MTA2: variants seen among roughly 807,000 people sequenced by gnomAD.
MTA2 encodes the protein metastasis-associated protein MTA2.
In MTA2, 22 loss-of-function variants were observed where a neutral mutation model predicts 87.1. The observed-to-expected ratio is 0.25, with a 90% CI of 0.18 to 0.36. The LOEUF (loss-of-function observed/expected upper bound fraction) is 0.36, where lower values mean the gene tolerates loss of function less well. Among genes scored for constraint, MTA2 ranks in the 10% least tolerant of loss-of-function variants. MTA2 has a pLI of 1.00. For missense variants in MTA2, 542 were observed against 853.2 expected, an observed-to-expected ratio of 0.64 and a Z score of 4.54; for synonymous variants, 314 against 310.1, an observed-to-expected ratio of 1.01 and a Z score of -0.13.
Position 62,593,587 on chromosome 11 carries a change from T to A in MTA2, c.*288A>T. ...AAATTTTTAAAAAATTAAAAAACCCTCCCCCCAAAACTGTCCAAGACATCT... is the reference window on the plus strand; with the variant it reads ...AAATTTTTAAAAAATTAAAAAACCCACCCCCCAAAACTGTCCAAGACATCT... On this transcript the variant is annotated 3_prime_UTR_variant, in exon 18 of 18. Coordinates refer to ENST00000278823, the MANE Select transcript of MTA2 (RefSeq NM_004739.4). 7.9e-6 allele frequency: 2 copies of A among 252,570 alleles called. No individual in the cohort carries two copies. The highest frequency in any genetic ancestry group is 1.5e-5 in the Non-Finnish European group (2 of 135,750). The allele number at this position is 252,570 out of a possible 1,614,324, so 15.6% of individuals were successfully genotyped here. A position where few individuals can be genotyped will look rare whatever the true frequency, so the allele number is the denominator to read the frequency against.
Position 62,594,426 on chromosome 11 carries a change from G to T in MTA2, c.1693-19C>A. On this transcript the variant is annotated intron_variant, in intron 16 of 17. Transcript: ENST00000278823. ...CTGCCATCTGGAAAAGGGGTAGGAT[G>T]GCACAATGAGGGAAGGGACCCTCTC... 1 of 1,614,030 alleles carries T rather than the reference G, an allele frequency of 6.2e-7. No individual in the cohort carries two copies. Among genetic ancestry groups the T allele is most frequent in the Non-Finnish European group, 8.5e-7 (1 of 1,179,950 alleles).
In MTA2 at chr11:62,595,250, C is replaced by T. The variant is rs1942081716; in HGVS notation, c.1483+14G>A. The T allele has an allele frequency of 6.2e-7, 1 of 1,612,532 alleles. No homozygotes were observed. Among genetic ancestry groups the T allele is most frequent in the African/African-American group, 1.3e-5 (1 of 74,914 alleles). On this transcript the variant is annotated intron_variant, in intron 14 of 17. Transcript: ENST00000278823. This position sits in a 1 kb window ranked among gnomAD's most constrained non-coding sequence, Gnocchi z 4.9. The stretch of plus-strand genomic sequence containing the variant: ...CCGAAACCCACCACCAGTCCCACCA[C>T]TCCCTGCCCTTACACTCTGCTTTGA...
At chr11:62,594,726 T>C in intron 15 of MTA2, 92 bp from the exon 16 acceptor site, 1 of 1,219,322 alleles carries the variant, frequency 8.2e-7, no homozygotes, top group Non-Finnish European at 1.2e-6. Flanking sequence ...GCAGTTTACC[T>C]GGGCATCCCC....
chr11:62,594,726 T>G (rs758584185), intron 15 of MTA2, 92 bp from the exon 16 acceptor site: 3 of 1,219,322 alleles, frequency 2.5e-6, no homozygotes, highest in Non-Finnish European at 3.5e-6. Context: ...GCAGTTTACC[T>G]GGGCATCCCC....
intron 3 of MTA2, among the ~76,000 whole-genome samples, chr11:62,599,596 G>GT (rs1206510671): frequency 2.1e-5 from 3 of 140,914 alleles, no homozygotes; most frequent in Admixed American, 7.6e-5. Flanking sequence ...AGGAAAATAT[G>GT]TTTTTTAAAA....
In MTA2 at chr11:62,597,611, G is replaced by T. The variant is rs779145498; in HGVS notation, c.592C>A (p.Arg198=). ...CTTCCCTATCCACCCACCCCTCACC[G>T]GGCCACCACAAGAAACTGGTCGATC... ...RQIDQFLVVA[R]AVGTFARALD... is the part of the protein sequence containing the mutation. Residue 198 remains arginine, a splice_region_variant and synonymous_variant, in exon 7 of 18, where the codon CGA becomes AGA. Coordinates refer to ENST00000278823, the MANE Select transcript of MTA2 (RefSeq NM_004739.4). 1 of 1,613,806 alleles carries T rather than the reference G, an allele frequency of 6.2e-7. No individual in the cohort carries two copies. The highest frequency in any genetic ancestry group is 1.1e-5 in the South Asian group (1 of 91,056).
intron 6 of MTA2, 152 bp from the exon 7 acceptor site, chr11:62,597,864 T>C: frequency 9.7e-7 from 1 of 1,032,586 alleles, no homozygotes; most frequent in Non-Finnish European, 1.5e-6. Context: ...TTTTCCCTTT[T>C]CAGGTTCCTA....
chr11:62,601,536 C>A lies in MTA2; in HGVS notation c.-86G>T, dbSNP rs1942201050. The A allele has an allele frequency of 3.4e-6, 5 of 1,489,682 alleles. No homozygotes were observed. The highest frequency in any genetic ancestry group is 4.5e-6 in the Non-Finnish European group (5 of 1,109,388). The allele number at this position is 1,489,682 out of a possible 1,614,324, so 92.3% of individuals were successfully genotyped here. On this transcript the variant is annotated 5_prime_UTR_variant, in exon 1 of 18. Coordinates refer to ENST00000278823, the MANE Select transcript of MTA2 (RefSeq NM_004739.4). Reference sequence around the variant, plus strand: ...GCTCGGCTCGAGGCAAAGCCCCGAACGGTGGGCTGCCGCTTCGAGGGAGTC... The same window carrying A: ...GCTCGGCTCGAGGCAAAGCCCCGAAAGGTGGGCTGCCGCTTCGAGGGAGTC...
At chr11:62,601,374 C>A in intron 1 of MTA2, 49 bp downstream of exon 1, 3 of 1,603,156 alleles carry the variant, frequency 1.9e-6, no homozygotes, top group Non-Finnish European at 2.6e-6. Flanking sequence ...CAGGTCCCTA[C>A]CCCAACCTCT....
rs767560643 is a variant in MTA2, at chr11:62,594,510, A to G, written c.1692+6T>C. On this transcript the variant is annotated splice_donor_region_variant and intron_variant, in intron 16 of 17. Coordinates refer to ENST00000278823, the MANE Select transcript of MTA2 (RefSeq NM_004739.4). The stretch of plus-strand genomic sequence containing the variant: ...CAATCTGGCCCACCCCTTTCTGTCA[A>G]CTCACAGTCTCATAGGCCCGTTTCA... 3.0e-5 allele frequency: 48 copies of G among 1,613,680 alleles called. No individual in the cohort carries two copies. Among genetic ancestry groups the G allele is most frequent in the Non-Finnish European group, 4.0e-5 (47 of 1,179,940 alleles).
intron 8 of MTA2, 137 bp downstream of exon 8, chr11:62,597,179 A>C (rs1590730945): frequency 2.7e-5 from 17 of 627,594 alleles, no homozygotes; most frequent in Admixed American, 3.4e-5. Flanking sequence ...ACAGAGCAAG[A>C]CTCCTCTCAA....
In MTA2 at chr11:62,598,568, G is replaced by C. The variant is rs778659112; in HGVS notation, c.262C>G (p.Leu88Val). Residue 88 changes from leucine to valine, a missense_variant, in exon 4 of 18, where the codon CTT (leucine) becomes GTT (valine). Coordinates refer to ENST00000278823, the MANE Select transcript of MTA2 (RefSeq NM_004739.4). ...QQRHQLKHRELFLSRQFESLP... is the reference protein window; with the variant it reads ...QQRHQLKHREVFLSRQFESLP... The stretch of plus-strand genomic sequence containing the variant: ...GATTCAAATTGCCGAGAAAGAAAAA[G>C]TTCCCGGTGCTTCAGTTGATGGCGC... 1 of 1,614,132 alleles carries C rather than the reference G, an allele frequency of 6.2e-7. No homozygotes were observed.
chr11:62,595,203 A>AC lies in MTA2; in HGVS notation c.1483+60_1483+61insG. On this transcript the variant is annotated intron_variant, in intron 14 of 17. Transcript: ENST00000278823. This position sits in a 1 kb window ranked among gnomAD's most constrained non-coding sequence, Gnocchi z 4.9. ...CCTGTTATTAGACATCCAGAGAAAC[A>AC]ACGGTCTCTGGGCAGAGCAATCCGA... 6.4e-7 allele frequency: 1 copy of AC among 1,553,312 alleles called. No homozygotes were observed.
rs774297970 is a variant in MTA2, at chr11:62,597,720, AAAGAAC to A, written c.491-14_491-9del. 8.7e-6 allele frequency: 14 copies of A among 1,612,846 alleles called. No homozygotes were observed. The highest frequency in any genetic ancestry group is 1.2e-5 in the Non-Finnish European group (14 of 1,178,986). On this transcript the variant is annotated splice_polypyrimidine_tract_variant and intron_variant, in intron 6 of 17. Coordinates refer to ENST00000278823, the MANE Select transcript of MTA2 (RefSeq NM_004739.4). ...TCCGATTATCAGATTCTCCTGGGGA[AAAGAAC>A]AATGGCATCAACAGGGAGAGGGCAG...
rs368986643 is a variant in MTA2, at chr11:62,597,582, C to G, written c.593+28G>C. On this transcript the variant is annotated intron_variant, in intron 7 of 17. Transcript: ENST00000278823. Reference sequence around the variant, plus strand: ...GAACAATGTCCACACCTCCCCCAGCCCATCTTCCCTATCCACCCACCCCTC... The same window carrying G: ...GAACAATGTCCACACCTCCCCCAGCGCATCTTCCCTATCCACCCACCCCTC... 3 of 1,601,120 alleles carry G rather than the reference C, an allele frequency of 1.9e-6. No individual in the cohort carries two copies. In the African/African-American group the frequency reaches 4.0e-5, roughly 21 times the overall value.
intron 6 of MTA2, 151 bp downstream of exon 6, chr11:62,597,873 T>C: frequency 2.0e-6 from 2 of 983,564 alleles, no homozygotes; most frequent in Non-Finnish European, 3.1e-6. Flanking sequence ...TTCAGGTTCC[T>C]ACAGGCCCAT....
intron 3 of MTA2, among the ~76,000 whole-genome samples, chr11:62,599,786 C>T (rs1942153049): frequency 6.6e-6 from 1 of 152,152 alleles, no homozygotes; most frequent in Non-Finnish European, 1.5e-5. Flanking sequence ...AATAAGCCTG[C>T]TTCTCTGTTA....
chr11:62,601,254 T>C (rs926404067), intron 1 of MTA2, 169 bp downstream of exon 1: 55 of 835,780 alleles, frequency 6.6e-5, no homozygotes, highest in Non-Finnish European at 7.9e-5. Flanking sequence ...CCCTGCCGCG[T>C]CGCGGTTCCC....
At chr11:62,597,942 G>C (rs536126938) in intron 6 of MTA2, 82 bp downstream of exon 6, 1 of 1,274,550 alleles carries the variant, frequency 7.8e-7, no homozygotes, top group Middle Eastern at 1.9e-4. Context: ...CCCAGGTGAC[G>C]CCATTCACAG....
Sources: allele counts gnomAD v4.1 joint callset (sites outside exome capture counted in the v4.1 genomes callset), GRCh38; gene constraint gnomAD v4.1.1; non-coding constraint Gnocchi (gnomAD v3.1); transcripts MANE v1.5; gene names NCBI Gene and HGNC (gene_info 2026-07-23, HGNC 2026-07-21).